The following NRCAM variants were observed in gnomAD, a reference collection of about 807,000 sequenced individuals.
The protein encoded by NRCAM is NgCAM-related cell adhesion molecule.
In NRCAM, 83 loss-of-function variants were observed where a neutral mutation model predicts 156.5. The observed-to-expected ratio is 0.53, with a 90% CI of 0.44 to 0.64. The LOEUF is 0.64. Among genes scored for constraint, NRCAM ranks in the 30% least tolerant of loss-of-function variants. The pLI is 0.00. For missense variants in NRCAM, 1,417 were observed against 1,597.3 expected (o/e 0.89, Z 1.92); for synonymous variants, 538 against 563.9 (o/e 0.95, Z 0.65).
intron 3 of NRCAM, among the ~76,000 whole-genome samples, chr7:108,286,387 G>T (rs2098101448): frequency 1.3e-5 from 2 of 151,906 alleles, no homozygotes; most frequent in Non-Finnish European, 2.9e-5. Flanking sequence ...TAGAGATTCA[G>T]TGAAATGATT....
chr7:108,369,639 C>T (rs1038227163), intron 2 of NRCAM, among the ~76,000 whole-genome samples: 1 of 152,022 alleles, frequency 6.6e-6, no homozygotes, highest in Non-Finnish European at 1.5e-5. Context: ...GACGAGTTTT[C>T]CTTCCCCTAG....
At chr7:108,337,136 A>C (rs2099203878) in intron 2 of NRCAM, among the ~76,000 whole-genome samples, 1 of 151,750 alleles carries the variant, frequency 6.6e-6, no homozygotes, top group Non-Finnish European at 1.5e-5. Flanking sequence ...GGGGACCCAC[A>C]CCTGTAATCC....
chr7:108,215,088 A>G (rs2087251890), intron 11 of NRCAM, among the ~76,000 whole-genome samples: 1 of 151,936 alleles, frequency 6.6e-6, no homozygotes, highest in Non-Finnish European at 1.5e-5. Flanking sequence ...TGGGGTGGAG[A>G]GTTCTGTAGA....
intron 1 of NRCAM, among the ~76,000 whole-genome samples, chr7:108,447,343 G>A (rs1457647866): frequency 7.1e-6 from 1 of 140,134 alleles, no homozygotes; most frequent in Non-Finnish European, 1.5e-5. Flanking sequence ...TTGGCTCACT[G>A]AAACCTCTGC....
At position 108,242,040 on chromosome 7, in the gene NRCAM, G is replaced by C. The variant is rs139052714; in HGVS notation, c.-106-1870C>G. 4.7e-3 allele frequency among the ~76,000 whole-genome samples: 707 copies of C among 152,006 alleles called. 9 individuals are homozygous for C. Among genetic ancestry groups the C allele is most frequent in the African/African-American group, 0.016 (681 of 41,466 alleles). ...TGTAATCCAAGCATTTTGGGAGGCC[G>C]AAGCGGGTGGATCACCTAAGGTCAG... On this transcript the variant is annotated intron_variant, in intron 3 of 32. Coordinates refer to ENST00000379028, the MANE Select transcript of NRCAM (RefSeq NM_001037132.4).
At chr7:108,450,196 A>AT (rs1289170546) in intron 1 of NRCAM, among the ~76,000 whole-genome samples, 1 of 150,408 alleles carries the variant, frequency 6.6e-6, no homozygotes, top group African/African-American at 2.4e-5. Context: ...TGAATATGCC[A>AT]TTAGGACAGT....
intron 2 of NRCAM, among the ~76,000 whole-genome samples, chr7:108,349,227 G>A (rs2154290010): frequency 6.6e-6 from 1 of 151,992 alleles, no homozygotes; most frequent in East Asian, 1.9e-4. Context: ...ACTTATTTAA[G>A]TCACTATTCT....
intron 11 of NRCAM, among the ~76,000 whole-genome samples, chr7:108,210,980 AT>A (rs914385652): frequency 1.4e-4 from 21 of 152,354 alleles, no homozygotes; most frequent in African/African-American, 5.0e-4. Context: ...ACAGAGCAGC[AT>A]GTGGAGGCTT....
intron 2 of NRCAM, among the ~76,000 whole-genome samples, chr7:108,373,285 C>G (rs113979521): frequency 0.017 from 2,612 of 152,166 alleles, 25 homozygotes; most frequent in Non-Finnish European, 0.026. Flanking sequence ...ATGCCATTGT[C>G]CCTAAATTCA....
intron 32 of NRCAM, among the ~76,000 whole-genome samples, chr7:108,153,680 T>C (rs1162813963): frequency 6.6e-6 from 1 of 152,116 alleles, no homozygotes; most frequent in Non-Finnish European, 1.5e-5. Flanking sequence ...ATTGTGCATA[T>C]AAAAAATCCA....
chr7:108,260,104 A>T (rs1032433325), intron 3 of NRCAM, among the ~76,000 whole-genome samples: 6 of 152,128 alleles, frequency 3.9e-5, no homozygotes, highest in African/African-American at 1.4e-4. Context: ...TGCTTTCAGA[A>T]CCTGGTCCTG....
chr7:108,230,902 T>A, intron 8 of NRCAM, 129 bp downstream of exon 8: 1 of 655,946 alleles, frequency 1.5e-6, no homozygotes, highest in Non-Finnish European at 2.5e-6. Context: ...ATGTTATTTA[T>A]TTTGAAGAGC....
chr7:108,448,768 T>C (rs1001562502), intron 1 of NRCAM, among the ~76,000 whole-genome samples: 3 of 152,090 alleles, frequency 2.0e-5, no homozygotes, highest in African/African-American at 7.2e-5. Context: ...ATAAGAGTGA[T>C]GGACTCCCAC....
intron 1 of NRCAM, among the ~76,000 whole-genome samples, chr7:108,411,404 A>T (rs1795158708): frequency 6.6e-6 from 1 of 152,132 alleles, no homozygotes; most frequent in Non-Finnish European, 1.5e-5. Flanking sequence ...TGGGATTTTT[A>T]AAGTTTTGCT....
Position 108,168,325 on chromosome 7 carries a change from C to G in NRCAM, c.3265G>C (p.Glu1089Gln). ...ETYANISWEY[E>Q]GPEHVNFYVE... ...TAAAAGTTCACATGCTCTGGTCCCT[C>G]ATATTCCCAACTGATATTGGCATAG... is the stretch of plus-strand genomic sequence containing the variant. The change falls in exon 29 of 33, where the codon GAG becomes CAG. Residue 1089 changes from glutamate (E) to glutamine (Q), a missense_variant. By Grantham distance (29) the Glu-to-Gln change is conservative (BLOSUM62 2). Transcript: ENST00000379028. 6.2e-7 allele frequency: 1 copy of G among 1,609,716 alleles called. No homozygotes were observed. The highest frequency in any genetic ancestry group is 8.5e-7 in the Non-Finnish European group (1 of 1,178,138).
chr7:108,323,878 G>C (rs923885866), intron 2 of NRCAM, among the ~76,000 whole-genome samples: 3 of 152,148 alleles, frequency 2.0e-5, no homozygotes, highest in Non-Finnish European at 4.4e-5. Context: ...TTTGAGGGCT[G>C]TGAATGTGAG....
At chr7:108,177,719 G>GTATA (rs568853235) in intron 26 of NRCAM, among the ~76,000 whole-genome samples, 102 of 30,598 alleles carry the variant, frequency 3.3e-3, no homozygotes, top group Non-Finnish European at 5.2e-3. Flanking sequence ...ATATATACGT[G>GTATA]TGTATATATA....
intron 3 of NRCAM, among the ~76,000 whole-genome samples, chr7:108,267,997 G>A (rs184291730): frequency 1.2e-3 from 40 of 32,906 alleles, no homozygotes; most frequent in Admixed American, 2.5e-3. Context: ...GAATAAATGA[G>A]TGCACATCAG....
At chr7:108,232,595 G>T in intron 6 of NRCAM, 73 bp from the exon 7 acceptor site, 1 of 1,008,376 alleles carries the variant, frequency 9.9e-7, no homozygotes, top group Non-Finnish European at 1.4e-6. Context: ...ATTCCTAGCA[G>T]TTTTATGGGT....
Sources: allele counts gnomAD v4.1 joint callset (sites outside exome capture counted in the v4.1 genomes callset), GRCh38; gene constraint gnomAD v4.1.1; transcripts MANE v1.5; gene names NCBI Gene and HGNC (gene_info 2026-07-23, HGNC 2026-07-21).